The following CROCC2 variants were observed in gnomAD, a reference collection of about 807,000 sequenced individuals.
CROCC2 encodes the protein ciliary rootlet coiled-coil, rootletin family member 2, also known as ciliary rootlet coiled-coil protein 2.
CROCC2 carries 163 observed loss-of-function variants against 177.6 expected under a neutral mutation model. That is an observed-to-expected ratio of 0.92 (90% CI 0.81 to 1.05). CROCC2 has a LOEUF of 1.05. Among genes scored for constraint, CROCC2 ranks in the 50% least tolerant of loss-of-function variants. CROCC2 has a pLI of 0.00. For synonymous variants in CROCC2, 904 were observed against 787.3 expected, an observed-to-expected ratio of 1.15 and a Z score of -2.48; for missense variants, 1,929 against 1,797.8, an observed-to-expected ratio of 1.07 and a Z score of -1.32.
intron 14 of CROCC2, among the ~76,000 whole-genome samples, chr2:240,937,116 G>A (rs1156459880): frequency 6.6e-6 from 1 of 152,236 alleles, no homozygotes; most frequent in Non-Finnish European, 1.5e-5. Context: ...CAATCACTTT[G>A]CTGCAGCCAG....
intron 28 of CROCC2, among the ~76,000 whole-genome samples, chr2:240,986,531 T>C (rs984800027): frequency 2.0e-5 from 3 of 152,214 alleles, no homozygotes; most frequent in African/African-American, 7.2e-5. Flanking sequence ...GAGCCGGTGT[T>C]GCCGGCTCCA....
chr2:240,913,511 G>A (rs1049263757), intron 1 of CROCC2, among the ~76,000 whole-genome samples: 1 of 152,322 alleles, frequency 6.6e-6, no homozygotes, highest in South Asian at 2.1e-4. Context: ...CGCTGTGTCC[G>A]AGCCTGTCTG....
intron 5 of CROCC2, 54 bp from the exon 6 acceptor site, chr2:240,930,112 A>G: frequency 1.9e-6 from 1 of 529,214 alleles, no homozygotes; most frequent in Non-Finnish European, 3.5e-6. Context: ...AGTGGGCTTC[A>G]GGGAGGGTAA....
chr2:240,981,982 TCCTC>T (rs2059803905), intron 27 of CROCC2: 2 of 151,664 alleles, frequency 1.3e-5, no homozygotes, highest in Non-Finnish European at 2.9e-5. Context: ...TCGGGTGCCA[TCCTC>T]CCTCCTGGGA....
Position 240,931,014 on chromosome 2 carries a change from G to A in CROCC2, c.833G>A (p.Arg278Gln), listed in dbSNP as rs1057437174. ...TACLNLDSNL[R>Q]LSASSTASTL... ...TGCCTGAACCTCGACTCCAACCTGCGGCTGTCGGCCAGCAGCACGGCCAGC... is the reference window on the plus strand; with the variant it reads ...TGCCTGAACCTCGACTCCAACCTGCAGCTGTCGGCCAGCAGCACGGCCAGC... The change falls in exon 7 of 32, where the codon CGG becomes CAG. Residue 278 changes from arginine to glutamine, a missense_variant. By Grantham distance (43) the Arg-to-Gln change is conservative (BLOSUM62 1). Coordinates refer to ENST00000690015, the MANE Select transcript of CROCC2 (RefSeq NM_001351305.2). 2.1e-5 allele frequency: 15 copies of A among 716,440 alleles called. No individual in the cohort carries two copies. Among genetic ancestry groups the A allele is most frequent in the East Asian group, 8.0e-5 (3 of 37,284 alleles). The allele number at this position is 716,440 out of a possible 1,614,324, so 44.4% of individuals were successfully genotyped here. A position where few individuals can be genotyped will look rare whatever the true frequency, so the allele number is the denominator to read the frequency against.
In CROCC2 at chr2:240,947,414, C is replaced by T. The variant is rs1410002421; in HGVS notation, c.2363+1161C>T. ...GCCCTGACAGCTGCCCCTACCTCAG[C>T]CCTGCCACTGACCCGAGGTCCCTGC... On this transcript the variant is annotated intron_variant, in intron 15 of 31. Transcript: ENST00000690015. 2.0e-5 allele frequency among the ~76,000 whole-genome samples: 3 copies of T among 152,192 alleles called. No homozygotes were observed. In the East Asian group the frequency reaches 5.8e-4, roughly 29 times the overall value.
At chr2:240,915,377 A>C (rs577874829) in intron 1 of CROCC2, among the ~76,000 whole-genome samples, 1 of 152,264 alleles carries the variant, frequency 6.6e-6, no homozygotes, top group South Asian at 2.1e-4. Flanking sequence ...TGCATTTCCC[A>C]GGGGCTGGTG....
intron 1 of CROCC2, among the ~76,000 whole-genome samples, chr2:240,916,768 C>T (rs2059324204): frequency 1.3e-5 from 2 of 152,248 alleles, no homozygotes; most frequent in African/African-American, 2.4e-5. Context: ...AGCTGCTGAG[C>T]AGGCGGAGGG....
chr2:240,916,589 A>T, intron 1 of CROCC2, among the ~76,000 whole-genome samples: 1 of 148,932 alleles, frequency 6.7e-6, no homozygotes, highest in South Asian at 2.2e-4. Context: ...GCCGCGGCCT[A>T]TTGCAGGCAC....
chr2:240,915,584 T>C (rs1243486135), intron 1 of CROCC2, among the ~76,000 whole-genome samples: 1 of 152,144 alleles, frequency 6.6e-6, no homozygotes, highest in Admixed American at 6.5e-5. Flanking sequence ...TCCAACTCTT[T>C]TAGAGGGGAG....
chr2:240,980,112 C>G (rs2059788400), intron 27 of CROCC2, among the ~76,000 whole-genome samples: 1 of 71,316 alleles, frequency 1.4e-5, no homozygotes. Flanking sequence ...CCTGCTCAGT[C>G]TCTGGGGTAG....
chr2:240,952,134 T>C (rs961096686), intron 18 of CROCC2, among the ~76,000 whole-genome samples: 1 of 151,880 alleles, frequency 6.6e-6, no homozygotes, highest in Admixed American at 6.6e-5. Flanking sequence ...TCACTTGAGG[T>C]CAGGAGTTCA....
At chr2:240,975,962 C>T (rs949977557) in intron 27 of CROCC2, among the ~76,000 whole-genome samples, 4 of 152,116 alleles carry the variant, frequency 2.6e-5, no homozygotes, top group African/African-American at 9.7e-5. Flanking sequence ...AACTCCTGAC[C>T]TCAGAAAATC....
chr2:240,956,283 G>A (rs925209752), intron 19 of CROCC2: 7 of 424,682 alleles, frequency 1.6e-5, no homozygotes, highest in Non-Finnish European at 2.6e-5. Flanking sequence ...CAACAGCAGC[G>A]AGTGGCTGAG....
In CROCC2 at chr2:240,989,655, C is replaced by T; in HGVS notation, c.4685C>T (p.Ala1562Val). 6.5e-7 allele frequency: 1 copy of T among 1,543,484 alleles called. No individual in the cohort carries two copies. Among genetic ancestry groups the T allele is most frequent in the Non-Finnish European group, 8.8e-7 (1 of 1,141,828 alleles). Reference protein sequence around the residue: ...GALRQNQQLQAQMTEMEQAHT... With the variant: ...GALRQNQQLQVQMTEMEQAHT... ...GAGATGCCCAAGTTCTCACTCCAGGCCCAGATGACAGAGATGGAGCAGGCC... is the reference window on the plus strand; with the variant it reads ...GAGATGCCCAAGTTCTCACTCCAGGTCCAGATGACAGAGATGGAGCAGGCC... The change falls in exon 30 of 32, where the codon GCC becomes GTC. Residue 1562 changes from alanine (A) to valine (V), a missense_variant and splice_region_variant. Coordinates refer to ENST00000690015, the MANE Select transcript of CROCC2 (RefSeq NM_001351305.2).
rs990658577 is a variant in CROCC2, at chr2:240,918,554, G to A, written c.79-172G>A. On this transcript the variant is annotated intron_variant, in intron 1 of 31. Transcript: ENST00000690015. This position sits in a 1 kb window ranked among gnomAD's most constrained non-coding sequence, Gnocchi z 6.3. ...ACAGGCGCAGCCCCACTCCGCAGGTGCAGAACCAAGGCATGCGCCTGAGTG... is the reference window on the plus strand; with the variant it reads ...ACAGGCGCAGCCCCACTCCGCAGGTACAGAACCAAGGCATGCGCCTGAGTG... Among the ~76,000 whole-genome samples the A allele has an allele frequency of 7.2e-5, 11 of 152,352 alleles. No individual in the cohort carries two copies. The highest frequency in any genetic ancestry group is 2.4e-4 in the African/African-American group (10 of 41,590).
rs528581871 is a variant in CROCC2 at position 240,931,204 on chromosome 2, G to A, written c.947+76G>A. 36 of 640,524 alleles carry A rather than the reference G, an allele frequency of 5.6e-5. No individual in the cohort carries two copies. In the African/African-American group the frequency reaches 6.1e-4, roughly 11 times the overall value. 39.7% of individuals were successfully genotyped at this position (640,524 alleles called of 1,614,324 possible). A position where few individuals can be genotyped will look rare whatever the true frequency, so the allele number is the denominator to read the frequency against. ...GGCCCATCCAGCGTGCCGAGCAGCT[G>A]TGGATCCCAGATGTGGTCACACCGT... On this transcript the variant is annotated intron_variant, in intron 7 of 31. Transcript: ENST00000690015.
rs1183311172 is a variant in CROCC2 at position 240,963,592 on chromosome 2, G to C, written c.3124G>C (p.Glu1042Gln). 6.5e-7 allele frequency: 1 copy of C among 1,547,024 alleles called. No individual in the cohort carries two copies. Among genetic ancestry groups the C allele is most frequent in the South Asian group, 1.2e-5 (1 of 83,866 alleles). Residue 1042 changes from glutamate (E) to glutamine (Q), a missense_variant, in exon 21 of 32, where the codon GAG becomes CAG. Around this residue, in one of 3 missense-constraint regions of CROCC2, gnomAD observed 1,397 missense variants for 1,239.9 expected, o/e 1.13. Transcript: ENST00000690015. Reference protein sequence around the residue: ...RLRAQLTVAQEGLAALRQELQ... With the variant: ...RLRAQLTVAQQGLAALRQELQ... ...GCGGGCACAGCTGACCGTGGCCCAG[G>C]AGGGACTGGCCGCACTGCGCCAGGA...
In CROCC2 at chr2:240,958,010, G is replaced by C; in HGVS notation, c.2944-1291G>C. 2 of 985,410 alleles carry C rather than the reference G, an allele frequency of 2.0e-6. No homozygotes were observed. Among genetic ancestry groups the C allele is most frequent in the Non-Finnish European group, 2.4e-6 (2 of 829,912 alleles). 61.0% of individuals were successfully genotyped at this position (985,410 alleles called of 1,614,324 possible). ...GCTTCTGGAGCCTTCTCTTGAGCTG[G>C]CCCTGAGTCTCCCCCGGACTCGGTA... is the stretch of plus-strand genomic sequence containing the variant. On this transcript the variant is annotated intron_variant, in intron 19 of 31. Coordinates refer to ENST00000690015, the MANE Select transcript of CROCC2 (RefSeq NM_001351305.2). The surrounding 1 kb of genome is among the most constrained non-coding windows in gnomAD (Gnocchi z 6.7).
Sources: allele counts gnomAD v4.1 joint callset (sites outside exome capture counted in the v4.1 genomes callset), GRCh38; gene constraint gnomAD v4.1.1; regional missense constraint gnomAD v4.1.1; non-coding constraint Gnocchi (gnomAD v3.1); transcripts MANE v1.5; gene names NCBI Gene and HGNC (gene_info 2026-07-23, HGNC 2026-07-21).